Variants in CD101 observed in about 807,000 individuals in gnomAD.
CD101 encodes CD101 molecule.
CD101 carries 76 observed loss-of-function variants against 98.2 expected under a neutral mutation model. That is an observed-to-expected ratio of 0.77 (90% CI 0.64 to 0.94). The LOEUF is 0.94. Among genes scored for constraint, CD101 ranks in the 40% least tolerant of loss-of-function variants. The pLI is 0.00. For missense variants in CD101, 1,145 were observed against 1,218.8 expected (o/e 0.94, Z 0.90); for synonymous variants, 471 against 472.7 (o/e 1.00, Z 0.05).
Position 117,018,579 on chromosome 1 carries a change from T to C in CD101, c.2017+19T>C, listed in dbSNP as rs1194655489. Reference sequence around the variant, plus strand: ...TTACCAGGTAAGTGTGACTTGAAATTAATCCCTGTTTTAAAAACAAACAAA... The same window carrying C: ...TTACCAGGTAAGTGTGACTTGAAATCAATCCCTGTTTTAAAAACAAACAAA... On this transcript the variant is annotated intron_variant, in intron 6 of 9. Transcript: ENST00000682167. This position sits in a 1 kb window ranked among gnomAD's most constrained non-coding sequence, Gnocchi z 4.3. 6.5e-7 allele frequency: 1 copy of C among 1,544,596 alleles called. No homozygotes were observed. Among genetic ancestry groups the C allele is most frequent in the South Asian group, 1.2e-5 (1 of 81,066 alleles).
intron 8 of CD101, chr1:117,032,922 CT>C (rs1273619726): frequency 1.3e-5 from 2 of 152,284 alleles, no homozygotes; most frequent in African/African-American, 4.8e-5. Flanking sequence ...TGATCATATG[CT>C]TCAGCATGCC....
rs1339643350 is a variant in CD101 at position 117,013,575 on chromosome 1, G to A, written c.1011G>A (p.Leu337=). The A allele has an allele frequency of 1.2e-6, 2 of 1,614,224 alleles. No individual in the cohort carries two copies. The highest frequency in any genetic ancestry group is 1.7e-6 in the Non-Finnish European group (2 of 1,180,034). Reference sequence around the variant, plus strand: ...TTGATGCTGGTGGAGTCCTGGGCCTGAAGAATGACTACAAAGAGAGAGCAA... The same window carrying A: ...TTGATGCTGGTGGAGTCCTGGGCCTAAAGAATGACTACAAAGAGAGAGCAA... ...AHIDAGGVLG[L]KNDYKERASQ... The change falls in exon 4 of 10, where the codon CTG becomes CTA. Residue 337 remains leucine (L), a synonymous_variant. Transcript: ENST00000682167.
chr1:117,029,204 AAAAGAAAGAAAAGAAAG>A lies in CD101; in HGVS notation c.2824+3312_2824+3328del, dbSNP rs1654210117. Among the ~76,000 whole-genome samples, 48 of 58,860 alleles carry A rather than the reference AAAAGAAAGAAAAGAAAG, an allele frequency of 8.2e-4. 1 individual carries two copies. In the East Asian group the frequency reaches 8.2e-3, roughly 10 times the overall value. The allele number at this position is 58,860 out of a possible 152,430, so 38.6% of individuals were successfully genotyped here. On this transcript the variant is annotated intron_variant, in intron 8 of 9. Transcript: ENST00000682167. Reference sequence around the variant, plus strand: ...GAAAGAAAGAAAGAAAGAAAGAAAGAAAAGAAAGAAAAGAAAGAAAGAAAGAAAGAAAGAAAGAAAGA... The same window carrying A: ...GAAAGAAAGAAAGAAAGAAAGAAAGAAAAGAAAGAAAGAAAGAAAGAAAGA...
chr1:117,018,286 C>G lies in CD101; in HGVS notation c.1743C>G (p.Phe581Leu). Reference sequence around the variant, plus strand: ...TGCCACTCACTGTGACGTGGCAGTTCCAGCCAGCTAGCTCTCACATCTTCC... The same window carrying G: ...TGCCACTCACTGTGACGTGGCAGTTGCAGCCAGCTAGCTCTCACATCTTCC... ...LKVPLTVTWQ[F>L]QPASSHIFHQ... The change falls in exon 6 of 10, where the codon TTC becomes TTG. Residue 581 changes from phenylalanine to leucine, a missense_variant. By Grantham distance (22) the Phe-to-Leu change is conservative (BLOSUM62 0). Transcript: ENST00000682167. The surrounding 1 kb of genome is among the most constrained non-coding windows in gnomAD (Gnocchi z 4.3). 1 of 1,614,146 alleles carries G rather than the reference C, an allele frequency of 6.2e-7. No homozygotes were observed. The highest frequency in any genetic ancestry group is 8.5e-7 in the Non-Finnish European group (1 of 1,180,022).
rs1457027903 is a variant in CD101 at position 117,018,067 on chromosome 1, G to A, written c.1613-89G>A. ...CCAAATGTACAAATGCATGGTCCTAGTCAAAGAGGTGGCAACTAGAAAAAC... is the reference window on the plus strand; with the variant it reads ...CCAAATGTACAAATGCATGGTCCTAATCAAAGAGGTGGCAACTAGAAAAAC... On this transcript the variant is annotated intron_variant, in intron 5 of 9. Coordinates refer to ENST00000682167, the MANE Select transcript of CD101 (RefSeq NM_001256106.3). This position sits in a 1 kb window ranked among gnomAD's most constrained non-coding sequence, Gnocchi z 4.3. The A allele has an allele frequency of 7.1e-6, 8 of 1,129,572 alleles. No homozygotes were observed. The Admixed American group carries it at 1.1e-4, about 16-fold the overall frequency. 70.0% of individuals were successfully genotyped at this position (1,129,572 alleles called of 1,614,324 possible).
At chr1:117,014,169 A>G (rs374931817) in intron 4 of CD101, among the ~76,000 whole-genome samples, 1 of 146,712 alleles carries the variant, frequency 6.8e-6, no homozygotes, top group Non-Finnish European at 1.5e-5. Context: ...ATGTGTATTA[A>G]TGAAGCCCTC....
In CD101 at chr1:117,013,804, C is replaced by A; in HGVS notation, c.1228+12C>A. Reference sequence around the variant, plus strand: ...GAGGAAGCCAGCAGGTACGTAAAGTCAAGGCCAGGCATGCATTGGGCTGCT... The same window carrying A: ...GAGGAAGCCAGCAGGTACGTAAAGTAAAGGCCAGGCATGCATTGGGCTGCT... On this transcript the variant is annotated intron_variant, in intron 4 of 9. Coordinates refer to ENST00000682167, the MANE Select transcript of CD101 (RefSeq NM_001256106.3). The A allele has an allele frequency of 6.3e-7, 1 of 1,599,766 alleles. No homozygotes were observed. Among genetic ancestry groups the A allele is most frequent in the South Asian group, 1.1e-5 (1 of 89,268 alleles).
In CD101 at chr1:117,020,523, G is replaced by A. The variant is rs560682312; in HGVS notation, c.2018-1050G>A. 1.1e-4 allele frequency among the ~76,000 whole-genome samples: 17 copies of A among 152,262 alleles called. No individual in the cohort carries two copies. The South Asian group carries it at 1.5e-3, about 13-fold the overall frequency. On this transcript the variant is annotated intron_variant, in intron 6 of 9. Transcript: ENST00000682167. ...CATGCCACTGCACTCCAGCCTGGGC[G>A]ACAGAGCAAGACTCCATCTCAAACA...
Position 117,036,295 on chromosome 1 carries a change from T to A in CD101, c.*161T>A, listed in dbSNP as rs1047326540. On this transcript the variant is annotated 3_prime_UTR_variant, in exon 10 of 10. Transcript: ENST00000682167. The surrounding 1 kb of genome is among the most constrained non-coding windows in gnomAD (Gnocchi z 5.0). ...CCCAAGTGAACTTTCCTCATTACCA[T>A]CCTGAAGTCACTACCCCAGGGGGAG... is the stretch of plus-strand genomic sequence containing the variant. 1.3e-5 allele frequency: 2 copies of A among 152,154 alleles called. No individual in the cohort carries two copies. Among genetic ancestry groups the A allele is most frequent in the African/African-American group, 4.8e-5 (2 of 41,404 alleles). 9.4% of individuals were successfully genotyped at this position (152,154 alleles called of 1,614,324 possible).
chr1:117,029,195 GA>G lies in CD101; in HGVS notation c.2824+3294del, dbSNP rs749453095. Reference sequence around the variant, plus strand: ...AGAAAGAAAGAAAGAAAGAAAGAAAGAAAGAAAGAAAAGAAAGAAAAGAAAG... The same window carrying G: ...AGAAAGAAAGAAAGAAAGAAAGAAAGAAGAAAGAAAAGAAAGAAAAGAAAG... On this transcript the variant is annotated intron_variant, in intron 8 of 9. Transcript: ENST00000682167. Among the ~76,000 whole-genome samples the G allele has an allele frequency of 2.5e-3, 194 of 76,854 alleles. 8 individuals are homozygous for G. The highest frequency in any genetic ancestry group is 3.3e-3 in the Non-Finnish European group (127 of 38,268). The allele number at this position is 76,854 out of a possible 152,430, so 50.4% of individuals were successfully genotyped here.
chr1:117,026,101 G>T (rs1239807513), intron 8 of CD101, 197 bp downstream of exon 8: 2 of 556,240 alleles, frequency 3.6e-6, no homozygotes, highest in African/African-American at 1.9e-5. Context: ...GTCCACATGA[G>T]ATTTTGGCAT....
rs1366908770 is a variant in CD101, at chr1:117,033,924, C to G, written c.2889C>G (p.Pro963=). The G allele has an allele frequency of 6.2e-7, 1 of 1,614,176 alleles. No homozygotes were observed. The highest frequency in any genetic ancestry group is 1.1e-5 in the South Asian group (1 of 91,076). The change falls in exon 9 of 10, where the codon CCC becomes CCG. Residue 963 remains proline (P), a synonymous_variant. Coordinates refer to ENST00000682167, the MANE Select transcript of CD101 (RefSeq NM_001256106.3). This position sits in a 1 kb window ranked among gnomAD's most constrained non-coding sequence, Gnocchi z 4.8. The stretch of plus-strand genomic sequence containing the variant: ...TACTCTATTTCCTGTTCATCTGTCC[C>G]TTCGTCCTGCTCCTCCTTCTGCTCA... ...APLLYFLFIC[P]FVLLLLLLIS...
chr1:117,025,745 T>G lies in CD101; in HGVS notation c.2665T>G (p.Ser889Ala). The G allele has an allele frequency of 1.2e-6, 2 of 1,614,208 alleles. No individual in the cohort carries two copies. The highest frequency in any genetic ancestry group is 1.7e-6 in the Non-Finnish European group (2 of 1,180,032). ...GCACCTGCACTGTTACCGTTCATCC[T>G]CTACAGACTTTGTCCTGAAGCTTCA... Reference protein sequence around the residue: ...RRHLHCYRSSSTDFVLKLHQV... With the variant: ...RRHLHCYRSSATDFVLKLHQV... The change falls in exon 8 of 10, where the codon TCT becomes GCT. Residue 889 changes from serine to alanine, a missense_variant. By Grantham distance (99) the Ser-to-Ala change is moderately conservative. Transcript: ENST00000682167.
At position 117,014,258 on chromosome 1, in the gene CD101, C is replaced by T. The variant is rs146924015; in HGVS notation, c.1228+466C>T. On this transcript the variant is annotated intron_variant, in intron 4 of 9. Transcript: ENST00000682167. Reference sequence around the variant, plus strand: ...TGAATAGGTTAAGAGTAAAAAGCTACACTTTGTCCTCCTTCCTGAGGAATG... The same window carrying T: ...TGAATAGGTTAAGAGTAAAAAGCTATACTTTGTCCTCCTTCCTGAGGAATG... 2.7e-5 allele frequency among the ~76,000 whole-genome samples: 4 copies of T among 149,840 alleles called. No homozygotes were observed. In the East Asian group the frequency reaches 8.0e-4, roughly 30 times the overall value.
intron 8 of CD101, among the ~76,000 whole-genome samples, chr1:117,028,959 G>A (rs76117054): frequency 0.012 from 1,810 of 151,792 alleles, 47 homozygotes; most frequent in African/African-American, 0.042. Context: ...AAGTATTTTA[G>A]TTTTGCTTTT....
Position 117,025,679 on chromosome 1 carries a change from C to T in CD101, c.2599C>T (p.His867Tyr). ...AAGTAAATTGCTGGTGCACTTGCAACATGATGGCTTGCTGGAGTATGGGGA... is the reference window on the plus strand; with the variant it reads ...AAGTAAATTGCTGGTGCACTTGCAATATGATGGCTTGCTGGAGTATGGGGA... ...SGSKLLVHLQ[H>Y]DGLLEYGEEG... The change falls in exon 8 of 10, where the codon CAT becomes TAT. Residue 867 changes from histidine (H) to tyrosine (Y), a missense_variant. Transcript: ENST00000682167. 6.2e-7 allele frequency: 1 copy of T among 1,614,146 alleles called. No individual in the cohort carries two copies.
Position 117,011,935 on chromosome 1 carries a change from C to G in CD101, c.810C>G (p.Thr270=), listed in dbSNP as rs773163352. 6.2e-7 allele frequency: 1 copy of G among 1,613,604 alleles called. No individual in the cohort carries two copies. ...GGATGTTCATCACCAAAAAGCAGAC[C>G]GATCAAACCACTCTGAGGATCCAGC... The part of the protein sequence containing the change: ...ETWMFITKKQ[T]DQTTLRIQPA... The change falls in exon 3 of 10, where the codon ACC becomes ACG. Residue 270 remains threonine, a synonymous_variant. Transcript: ENST00000682167.
At chr1:117,014,516 AG>A (rs947926728) in intron 4 of CD101, among the ~76,000 whole-genome samples, 6 of 152,180 alleles carry the variant, frequency 3.9e-5, no homozygotes, top group African/African-American at 1.4e-4. Context: ...GAACTGAGGA[AG>A]CCACTCAGCT....
intron 8 of CD101, among the ~76,000 whole-genome samples, chr1:117,029,183 G>GAAGGAAAGAAAGAAAAGAAAGA (rs1557778667): frequency 3.1e-5 from 3 of 96,306 alleles, no homozygotes; most frequent in Non-Finnish European, 6.2e-5. Flanking sequence ...AAGAAAGAAA[G>GAAGGAAAGAAAGAAAAGAAAGA]AAAGAAAGAA....
Sources: gnomAD v4.1 joint callset for allele counts (sites outside exome capture counted in the v4.1 genomes callset) on GRCh38, gnomAD v4.1.1 for gene constraint, Gnocchi (gnomAD v3.1) non-coding constraint, MANE v1.5 for transcripts, NCBI Gene and HGNC (gene_info 2026-07-23, HGNC 2026-07-21) for gene names.